Variants in CORIN observed in about 807,000 individuals in gnomAD.
CORIN encodes the protein atrial natriuretic peptide-converting enzyme.
A neutral mutation model predicts 125.3 loss-of-function variants in CORIN; 117 were observed. The ratio of observed to expected loss-of-function variants is 0.93; its 90% CI spans 0.80 to 1.09. The LOEUF is 1.09. Ranked by LOEUF, CORIN falls within the 50% of genes least tolerant of loss-of-function variation. The probability of loss-of-function intolerance (pLI) is 0.00; values close to 1 mark genes in which losing one functional copy is unlikely to be tolerated. For synonymous variants in CORIN, 450 were observed against 466.4 expected, an observed-to-expected ratio of 0.96 and a Z score of 0.45; for missense variants, 1,253 against 1,306.7, an observed-to-expected ratio of 0.96 and a Z score of 0.63.
Position 47,661,821 on chromosome 4 carries a change from G to C in CORIN, c.1625C>G (p.Ser542Cys), listed in dbSNP as rs1336014241. Residue 542 changes from serine (S) to cysteine (C), a missense_variant, in exon 12 of 22, where the codon TCT becomes TGT. Coordinates refer to ENST00000273857, the MANE Select transcript of CORIN (RefSeq NM_006587.4). ...CTGTAGGCCCACAATCCCAAGAACA[G>C]ACTCACAGCGTTCTTTAGAGTGTTC... ...LCEHSKERCE[S>C]VLGIVGLQWP... 1.2e-6 allele frequency: 2 copies of C among 1,613,082 alleles called. No homozygotes were observed. The highest frequency in any genetic ancestry group is 3.3e-5 in the Admixed American group (2 of 59,978).
intron 5 of CORIN, among the ~76,000 whole-genome samples, chr4:47,704,915 A>G (rs943826418): frequency 2.0e-5 from 3 of 152,168 alleles, no homozygotes; most frequent in Non-Finnish European, 4.4e-5. Flanking sequence ...AGCCATACTC[A>G]GCACGTAGTC....
At chr4:47,700,297 T>C (rs997622545) in intron 5 of CORIN, among the ~76,000 whole-genome samples, 2 of 152,118 alleles carry the variant, frequency 1.3e-5, no homozygotes, top group Non-Finnish European at 2.9e-5. Flanking sequence ...AGGAAAGGTA[T>C]AGAACATGAA....
At chr4:47,779,697 A>G (rs1405636424) in intron 3 of CORIN, among the ~76,000 whole-genome samples, 1 of 152,096 alleles carries the variant, frequency 6.6e-6, no homozygotes, top group Non-Finnish European at 1.5e-5. Flanking sequence ...CGGCCTCCCA[A>G]AGTGCTAGGA....
At chr4:47,689,152 G>T (rs1725655184) in intron 6 of CORIN, among the ~76,000 whole-genome samples, 1 of 152,158 alleles carries the variant, frequency 6.6e-6, no homozygotes. Flanking sequence ...AACAAGAGGT[G>T]CTGGGTGGGA....
intron 19 of CORIN, among the ~76,000 whole-genome samples, chr4:47,622,311 C>T (rs1350121317): frequency 8.0e-5 from 12 of 150,326 alleles, no homozygotes; most frequent in African/African-American, 2.7e-4. Flanking sequence ...AATAAACATA[C>T]GTGTGCATGT....
intron 4 of CORIN, among the ~76,000 whole-genome samples, chr4:47,747,272 T>C (rs141032592): frequency 6.6e-6 from 1 of 152,124 alleles, no homozygotes; most frequent in African/African-American, 2.4e-5. Flanking sequence ...TGCATAATAA[T>C]AGATGAACAC....
At chr4:47,833,256 T>C (rs145485980) in intron 1 of CORIN, among the ~76,000 whole-genome samples, 110 of 152,228 alleles carry the variant, frequency 7.2e-4, no homozygotes, top group African/African-American at 2.5e-3. Context: ...AATAAACTCA[T>C]ACATACATAG....
chr4:47,615,456 G>A (rs1229194074), intron 19 of CORIN, among the ~76,000 whole-genome samples: 1 of 152,184 alleles, frequency 6.6e-6, no homozygotes, highest in African/African-American at 2.4e-5. Flanking sequence ...ATATGTTGAA[G>A]TTGTAACTCC....
intron 11 of CORIN, among the ~76,000 whole-genome samples, chr4:47,663,278 G>A (rs1389286140): frequency 6.6e-6 from 1 of 152,078 alleles, no homozygotes; most frequent in African/African-American, 2.4e-5. Context: ...CAATCCTCAA[G>A]TATTTAGCCC....
intron 12 of CORIN, among the ~76,000 whole-genome samples, chr4:47,656,952 A>G (rs1724011921): frequency 6.6e-6 from 1 of 152,232 alleles, no homozygotes; most frequent in African/African-American, 2.4e-5. Context: ...TACAAAATCA[A>G]CATACAAAAA....
intron 3 of CORIN, among the ~76,000 whole-genome samples, chr4:47,784,384 A>G (rs1730692788): frequency 6.6e-6 from 1 of 152,164 alleles, no homozygotes; most frequent in Non-Finnish European, 1.5e-5. Context: ...GCCTTTCTCC[A>G]TTTAGCCATT....
chr4:47,760,686 T>C (rs1729406095), intron 4 of CORIN, among the ~76,000 whole-genome samples: 1 of 152,214 alleles, frequency 6.6e-6, no homozygotes, highest in Non-Finnish European at 1.5e-5. Flanking sequence ...CAGTCTGTCC[T>C]TTGAAGTTTT....
chr4:47,621,916 G>A (rs1377274813), intron 19 of CORIN, among the ~76,000 whole-genome samples: 2 of 147,026 alleles, frequency 1.4e-5, no homozygotes, highest in Admixed American at 6.9e-5. Flanking sequence ...AGTTACATAT[G>A]TATACATGTG....
rs1724420654 is a variant in CORIN, at chr4:47,665,091, A to G, written c.1530T>C (p.Ser510=). 6.2e-7 allele frequency: 1 copy of G among 1,613,732 alleles called. No individual in the cohort carries two copies. Among genetic ancestry groups the G allele is most frequent in the African/African-American group, 1.3e-5 (1 of 74,890 alleles). The change falls in exon 11 of 22, where the codon TCT becomes TCC. Residue 510 remains serine, a synonymous_variant. Transcript: ENST00000273857. ...CACATTTTGGTACCAAAATGGTGCA[A>G]GAAAAGAACATGAGGTATTTATAAC... The part of the protein sequence containing the change: ...TNCYKYLMFF[S]CTILVPKCDV...
intron 12 of CORIN, among the ~76,000 whole-genome samples, chr4:47,657,614 C>T (rs1271561511): frequency 1.3e-5 from 2 of 151,638 alleles, no homozygotes; most frequent in African/African-American, 2.4e-5. Flanking sequence ...CATGGTTCTG[C>T]AGGCTTTAAA....
chr4:47,629,973 T>C (rs1294224068), intron 16 of CORIN, among the ~76,000 whole-genome samples: 2 of 151,994 alleles, frequency 1.3e-5, no homozygotes, highest in Admixed American at 1.3e-4. Flanking sequence ...CATGTCAGAG[T>C]ACAGTTCTTA....
chr4:47,610,434 C>T (rs1721826047), intron 19 of CORIN, among the ~76,000 whole-genome samples: 1 of 151,098 alleles, frequency 6.6e-6, no homozygotes, highest in Non-Finnish European at 1.5e-5. Flanking sequence ...TGTCCTTTGC[C>T]CACTTTTTAA....
intron 10 of CORIN, among the ~76,000 whole-genome samples, chr4:47,668,468 T>C (rs1471525031): frequency 6.6e-6 from 1 of 152,246 alleles, no homozygotes; most frequent in Admixed American, 6.5e-5. Flanking sequence ...CAATTTGCTT[T>C]TGTTGCTTAT....
chr4:47,647,453 T>C (rs1195191508), intron 13 of CORIN, among the ~76,000 whole-genome samples: 5 of 152,094 alleles, frequency 3.3e-5, no homozygotes, highest in Non-Finnish European at 7.4e-5. Flanking sequence ...AATGAGATGA[T>C]GAAATACCAC....
Sources: gnomAD v4.1 joint callset for allele counts (sites outside exome capture counted in the v4.1 genomes callset) on GRCh38, gnomAD v4.1.1 for gene constraint, MANE v1.5 for transcripts, NCBI Gene and HGNC (gene_info 2026-07-23, HGNC 2026-07-21) for gene names.